Variants in PLAGL1 observed in about 807,000 individuals in gnomAD.
PLAGL1 encodes zinc finger protein PLAGL1.
A neutral mutation model predicts 4.6 loss-of-function variants in PLAGL1; 1 was observed. The ratio of observed to expected loss-of-function variants is 0.22; its 90% CI spans 0.08 to 1.03. PLAGL1 has a LOEUF of 1.03. PLAGL1 is among the 50% of genes least tolerant of loss of function. The probability of loss-of-function intolerance (pLI) is 0.58; values close to 1 mark genes in which losing one functional copy is unlikely to be tolerated. For synonymous variants in PLAGL1, 240 were observed against 237.8 expected, an observed-to-expected ratio of 1.01 and a Z score of -0.08; for missense variants, 464 against 570.4, an observed-to-expected ratio of 0.81 and a Z score of 1.90.
chr6:144,035,903 C>T (rs948654246), intron 1 of PLAGL1, among the ~76,000 whole-genome samples: 4 of 152,108 alleles, frequency 2.6e-5, no homozygotes, highest in South Asian at 2.1e-4. Flanking sequence ...GGGTAGCCAC[C>T]TGGTGGGGCA....
chr6:144,052,749 G>A (rs374511345), intron 1 of PLAGL1, among the ~76,000 whole-genome samples: 1 of 152,234 alleles, frequency 6.6e-6, no homozygotes, highest in African/African-American at 2.4e-5. Flanking sequence ...AAAAAATGTG[G>A]GGGAGGGGGT....
rs1286791098 is a variant in PLAGL1 at position 144,048,444 on chromosome 6, G to C, written c.-151+16024C>G. On this transcript the variant is annotated intron_variant, in intron 1 of 3. Transcript: ENST00000437412. This position sits in a 1 kb window ranked among gnomAD's most constrained non-coding sequence, Gnocchi z 4.8. ...CCACCCCTGCAGGAGACTTCTGCCT[G>C]GACATTCAGGCATTTCCATACATCC... Among the ~76,000 whole-genome samples, 6 of 152,204 alleles carry C rather than the reference G, an allele frequency of 3.9e-5. No homozygotes were observed.
intron 1 of PLAGL1, among the ~76,000 whole-genome samples, chr6:144,040,308 C>T (rs191591352): frequency 1.8e-4 from 28 of 151,458 alleles, no homozygotes; most frequent in African/African-American, 6.3e-4. Context: ...GCGGGTGGAT[C>T]GCTTAAACCC....
chr6:144,058,487 A>G (rs765830072), intron 1 of PLAGL1, among the ~76,000 whole-genome samples: 20 of 152,126 alleles, frequency 1.3e-4, no homozygotes, highest in Non-Finnish European at 2.4e-4. Flanking sequence ...ACAAAGTGCA[A>G]TCATCCCTTC....
chr6:144,038,689 G>A (rs1459171059), intron 1 of PLAGL1, among the ~76,000 whole-genome samples: 1 of 152,138 alleles, frequency 6.6e-6, no homozygotes, highest in Admixed American at 6.5e-5. Flanking sequence ...AACATGGGTG[G>A]CCTTTGAAAA....
At position 144,015,747 on chromosome 6, in the gene PLAGL1, T is replaced by C. The variant is rs1795522430; in HGVS notation, c.-150-46769A>G. Among the ~76,000 whole-genome samples, 1 of 152,204 alleles carries C rather than the reference T, an allele frequency of 6.6e-6. No individual in the cohort carries two copies. The highest frequency in any genetic ancestry group is 2.1e-4 in the South Asian group (1 of 4,832). On this transcript the variant is annotated intron_variant, in intron 1 of 3. Transcript: ENST00000437412. This position sits in a 1 kb window ranked among gnomAD's most constrained non-coding sequence, Gnocchi z 4.3. ...AAAATACCAAGGGTTGGTGACAATG[T>C]GGAAAAACTGGAACTCTCGCACATT...
Position 143,942,446 on chromosome 6 carries a change from C to A in PLAGL1, c.370G>T (p.Val124Phe). 1.2e-6 allele frequency: 2 copies of A among 1,614,166 alleles called. No individual in the cohort carries two copies. The highest frequency in any genetic ancestry group is 1.7e-6 in the Non-Finnish European group (2 of 1,180,032). Residue 124 changes from valine (V) to phenylalanine (F), a missense_variant, in exon 8 of 8, where the codon GTC (valine) becomes TTC (phenylalanine). Val to Phe is a conservative substitution (Grantham distance 50, BLOSUM62 -1). Around this residue, in one of 4 missense-constraint regions of PLAGL1, gnomAD observed 161 missense variants for 196.7 expected, o/e 0.82. Coordinates refer to ENST00000674357, the MANE Select transcript of PLAGL1 (RefSeq NM_001317162.2). This position sits in a 1 kb window ranked among gnomAD's most constrained non-coding sequence, Gnocchi z 7.6. ...AASSGDLTCGVCALELGSTEV... is the reference protein window; with the variant it reads ...AASSGDLTCGFCALELGSTEV... ...GTGCTCCCTAGCTCCAGGGCACAGA[C>A]CCCACAGGTGAGGTCCCCACTGCTG...
chr6:144,026,619 A>G (rs1796359277), intron 1 of PLAGL1, among the ~76,000 whole-genome samples: 1 of 152,190 alleles, frequency 6.6e-6, no homozygotes, highest in Non-Finnish European at 1.5e-5. Context: ...ATAGAAACCC[A>G]TGTTTTCCAA....
At chr6:144,017,219 C>T (rs1160563897) in intron 1 of PLAGL1, among the ~76,000 whole-genome samples, 1 of 152,058 alleles carries the variant, frequency 6.6e-6, no homozygotes, top group Admixed American at 6.5e-5. Flanking sequence ...TAAAGCGCAT[C>T]GCTTCTGGCC....
At position 143,948,256 on chromosome 6, in the gene PLAGL1, C is replaced by T. The variant is rs1009983623; in HGVS notation, c.-120G>A. On this transcript the variant is annotated 5_prime_UTR_variant, in exon 7 of 8. An upstream open reading frame in the 5' UTR gains an earlier in-frame stop. Coordinates refer to ENST00000674357, the MANE Select transcript of PLAGL1 (RefSeq NM_001317162.2). This position sits in a 1 kb window ranked among gnomAD's most constrained non-coding sequence, Gnocchi z 6.0. Reference sequence around the variant, plus strand: ...GAGTCCCTGCAGCTGAACTCCAGACCACGGGAGAGGCAGCATCGTGGGCCT... The same window carrying T: ...GAGTCCCTGCAGCTGAACTCCAGACTACGGGAGAGGCAGCATCGTGGGCCT... 1.2e-6 allele frequency: 1 copy of T among 851,790 alleles called. No individual in the cohort carries two copies. Among genetic ancestry groups the T allele is most frequent in the Admixed American group, 2.2e-5 (1 of 45,464 alleles). The allele number at this position is 851,790 out of a possible 1,614,324, so 52.8% of individuals were successfully genotyped here. A position where few individuals can be genotyped will look rare whatever the true frequency, so the allele number is the denominator to read the frequency against.
In PLAGL1 at chr6:143,997,100, C is replaced by G. The variant is rs1039479587; in HGVS notation, c.-584+10990G>C. Among the ~76,000 whole-genome samples the G allele has an allele frequency of 2.6e-5, 4 of 152,118 alleles. No homozygotes were observed. Among genetic ancestry groups the G allele is most frequent in the Non-Finnish European group, 5.9e-5 (4 of 68,028 alleles). ...GGAAATGCACATGAAAACCATGAGA[C>G]CATGAAGCCATGAGATATCACCTCA... On this transcript the variant is annotated intron_variant, in intron 1 of 7. Coordinates refer to ENST00000674357, the MANE Select transcript of PLAGL1 (RefSeq NM_001317162.2). The surrounding 1 kb of genome is among the most constrained non-coding windows in gnomAD (Gnocchi z 4.6).
rs67300369 is a variant in PLAGL1 at position 144,008,126 on chromosome 6, C to T, written c.-620G>A. ...ACGACCCCCGGAGCTCAGGCGAGGC[C>T]GCTCGGGCGTGCCACCTCCGCGGCC... On this transcript the variant is annotated 5_prime_UTR_variant, in exon 1 of 8. Coordinates refer to ENST00000674357, the MANE Select transcript of PLAGL1 (RefSeq NM_001317162.2). The surrounding 1 kb of genome is among the most constrained non-coding windows in gnomAD (Gnocchi z 6.9). The T allele has an allele frequency of 0.026, 3,951 of 151,830 alleles. 60 individuals carry two copies. The highest frequency in any genetic ancestry group is 0.041 in the Non-Finnish European group (2,800 of 67,918). 9.4% of individuals were successfully genotyped at this position (151,830 alleles called of 1,614,324 possible).
At chr6:144,023,011 A>G (rs1029476284) in intron 1 of PLAGL1, among the ~76,000 whole-genome samples, 1 of 152,242 alleles carries the variant, frequency 6.6e-6, no homozygotes, top group Non-Finnish European at 1.5e-5. Flanking sequence ...AGATGAATGG[A>G]CAAACTATGA....
At chr6:143,967,907 G>T (rs1183116297) in intron 3 of PLAGL1, 1 of 144,798 alleles carries the variant, frequency 6.9e-6, no homozygotes, top group East Asian at 2.1e-4. Context: ...TTTGCAGGGG[G>T]AATTGAATGT....
chr6:143,991,057 T>G (rs1375577340), intron 1 of PLAGL1, among the ~76,000 whole-genome samples: 1 of 152,240 alleles, frequency 6.6e-6, no homozygotes, highest in African/African-American at 2.4e-5. Flanking sequence ...TTTCATTGTT[T>G]CTTAGTTGTT....
rs1352120598 is a variant in PLAGL1 at position 143,961,005 on chromosome 6, C to A, written c.-398-463G>T. On this transcript the variant is annotated intron_variant, in intron 5 of 7. Transcript: ENST00000674357. This position sits in a 1 kb window ranked among gnomAD's most constrained non-coding sequence, Gnocchi z 6.5. ...ACAAAGATTTATCAAATTTGCAGTG[C>A]AAGAAGGTTGAAGTCTCTAAGTTGA... 6.6e-6 allele frequency: 1 copy of A among 152,186 alleles called. No individual in the cohort carries two copies. Among genetic ancestry groups the A allele is most frequent in the African/African-American group, 2.4e-5 (1 of 41,440 alleles). The allele number at this position is 152,186 out of a possible 1,614,324, so 9.4% of individuals were successfully genotyped here.
At chr6:143,999,018 G>A (rs1792275841) in intron 1 of PLAGL1, among the ~76,000 whole-genome samples, 1 of 152,116 alleles carries the variant, frequency 6.6e-6, no homozygotes, top group Non-Finnish European at 1.5e-5. Flanking sequence ...TCAGGGAACT[G>A]ACCCCAGTGG....
rs1444512795 is a variant in PLAGL1, at chr6:143,989,508, T to C, written c.-583-4334A>G. On this transcript the variant is annotated intron_variant, in intron 1 of 7. Transcript: ENST00000674357. This position sits in a 1 kb window ranked among gnomAD's most constrained non-coding sequence, Gnocchi z 4.8. Reference sequence around the variant, plus strand: ...CCCTTTTCTTCCTGCCTGCCTGAGCTGGGACATCAGTCTCCTCCTGTCCTT... The same window carrying C: ...CCCTTTTCTTCCTGCCTGCCTGAGCCGGGACATCAGTCTCCTCCTGTCCTT... 2.0e-5 allele frequency among the ~76,000 whole-genome samples: 3 copies of C among 152,212 alleles called. No homozygotes were observed. Among genetic ancestry groups the C allele is most frequent in the Admixed American group, 6.5e-5 (1 of 15,278 alleles).
At chr6:144,057,864 G>T (rs113956731) in intron 1 of PLAGL1, among the ~76,000 whole-genome samples, 1,949 of 146,860 alleles carry the variant, frequency 0.013, 37 homozygotes, top group African/African-American at 0.047. Context: ...GCAAATTAAT[G>T]TCTGAAGGAA....
Sources: allele counts gnomAD v4.1 joint callset (sites outside exome capture counted in the v4.1 genomes callset), GRCh38; gene constraint gnomAD v4.1.1; regional missense constraint gnomAD v4.1.1; non-coding constraint Gnocchi (gnomAD v3.1); transcripts MANE v1.5; gene names NCBI Gene and HGNC (gene_info 2026-07-23, HGNC 2026-07-21).